TBC1D13: variants seen among roughly 807,000 people sequenced by gnomAD.
TBC1D13 encodes the protein epididymis secretory sperm binding protein.
A neutral mutation model predicts 53.6 loss-of-function variants in TBC1D13; 40 were observed. That is an observed-to-expected ratio of 0.75 (90% CI 0.58 to 0.97). The LOEUF (loss-of-function observed/expected upper bound fraction) is 0.97, where lower values mean the gene tolerates loss of function less well. Ranked by LOEUF, TBC1D13 falls within the 50% of genes least tolerant of loss-of-function variation. The pLI is 0.00. For synonymous variants in TBC1D13, 182 were observed against 197.7 expected, an observed-to-expected ratio of 0.92 and a Z score of 0.67; for missense variants, 377 against 499.4, an observed-to-expected ratio of 0.75 and a Z score of 2.34.
At position 128,806,258 on chromosome 9, in the gene TBC1D13, A is replaced by G; in HGVS notation, c.1084A>G (p.Ile362Val). The G allele has an allele frequency of 6.2e-7, 1 of 1,614,132 alleles. No individual in the cohort carries two copies. Among genetic ancestry groups the G allele is most frequent in the Non-Finnish European group, 8.5e-7 (1 of 1,180,024 alleles). Residue 362 changes from isoleucine to valine, a missense_variant, in exon 11 of 12, where the codon ATC (isoleucine) becomes GTC (valine). Coordinates refer to ENST00000372648, the MANE Select transcript of TBC1D13 (RefSeq NM_018201.5). ...TTTTGCTGCTGCTTTTCATAGGCTGATCCGGGAGCAGTTGCTGGAAGGGGA... is the reference window on the plus strand; with the variant it reads ...TTTTGCTGCTGCTTTTCATAGGCTGGTCCGGGAGCAGTTGCTGGAAGGGGA... ...LLVCCAMLML[I>V]REQLLEGDFT...
chr9:128,792,376 C>T, intron 5 of TBC1D13, 116 bp from the exon 6 acceptor site: 2 of 824,992 alleles, frequency 2.4e-6, no homozygotes, highest in Non-Finnish European at 3.9e-6. Context: ...GTCAGGACCA[C>T]ACCTCAGTGT....
rs1020136352 is a variant in TBC1D13 at position 128,791,970 on chromosome 9, TGAA to T, written c.300+281_300+283del. ...TATTTCAACCCTCATCCCTGTTCCT[TGAA>T]GAAAGTCAGAGCAGGGCGGGAGGGA... On this transcript the variant is annotated intron_variant, in intron 5 of 11. Transcript: ENST00000372648. Among the ~76,000 whole-genome samples, 18 of 152,208 alleles carry T rather than the reference TGAA, an allele frequency of 1.2e-4. No individual in the cohort carries two copies. In the East Asian group the frequency reaches 3.3e-3, roughly 28 times the overall value.
At chr9:128,800,326 A>G (rs1589572650) in intron 7 of TBC1D13, among the ~76,000 whole-genome samples, 1 of 141,444 alleles carries the variant, frequency 7.1e-6, no homozygotes. Context: ...TCATTGTAGG[A>G]GTCTTCAGTA....
chr9:128,807,686 C>T lies in TBC1D13; in HGVS notation c.1138-128C>T, dbSNP rs59164083. The T allele has an allele frequency of 6.5e-3, 5,923 of 914,948 alleles. 212 individuals are homozygous for T. The African/African-American group carries it at 0.083, about 13-fold the overall frequency. 56.7% of individuals were successfully genotyped at this position (914,948 alleles called of 1,614,324 possible). On this transcript the variant is annotated intron_variant, in intron 11 of 11. Coordinates refer to ENST00000372648, the MANE Select transcript of TBC1D13 (RefSeq NM_018201.5). Reference sequence around the variant, plus strand: ...CTGGGGGTTGGGGAGTGTGGGATGCCTGGTGTTCTGTGCTCCTGCCCCTGA... The same window carrying T: ...CTGGGGGTTGGGGAGTGTGGGATGCTTGGTGTTCTGTGCTCCTGCCCCTGA...
Position 128,804,121 on chromosome 9 carries a change from T to A in TBC1D13, c.918+2T>A. 6.2e-7 allele frequency: 1 copy of A among 1,613,586 alleles called. No homozygotes were observed. Among genetic ancestry groups the A allele is most frequent in the Non-Finnish European group, 8.5e-7 (1 of 1,179,880 alleles). On this transcript the variant is annotated splice_donor_variant, in intron 9 of 11. Coordinates refer to ENST00000372648, the MANE Select transcript of TBC1D13 (RefSeq NM_018201.5). LOFTEE classifies it high-confidence loss of function. ...GATGTGGAGCTCTACCTGAAACTGGTGAGGACCCCAGGAACAGACGGGTGG... is the reference window on the plus strand; with the variant it reads ...GATGTGGAGCTCTACCTGAAACTGGAGAGGACCCCAGGAACAGACGGGTGG...
In TBC1D13 at chr9:128,789,044, G is replaced by A. The variant is rs369522310; in HGVS notation, c.97+637G>A. Among the ~76,000 whole-genome samples, 15 of 152,262 alleles carry A rather than the reference G, an allele frequency of 9.9e-5. 1 individual carries two copies. The highest frequency in any genetic ancestry group is 2.0e-4 in the Admixed American group (3 of 15,294). ...ACTTTGCCAGCAAGAACTTCTGGCC[G>A]GGTGCCGTGGCTCATGCCTGTAATC... On this transcript the variant is annotated intron_variant, in intron 2 of 11. Coordinates refer to ENST00000372648, the MANE Select transcript of TBC1D13 (RefSeq NM_018201.5).
intron 7 of TBC1D13, among the ~76,000 whole-genome samples, chr9:128,797,680 G>A (rs1291685145): frequency 6.6e-6 from 1 of 152,198 alleles, no homozygotes; most frequent in Admixed American, 6.5e-5. Context: ...GCATGTGCCT[G>A]TAGTCCCAGC....
At chr9:128,795,175 C>G (rs979129237) in intron 6 of TBC1D13, among the ~76,000 whole-genome samples, 2 of 151,040 alleles carry the variant, frequency 1.3e-5, no homozygotes, top group Non-Finnish European at 3.0e-5. Context: ...CCTGCCCCAC[C>G]TCCTGAGTAG....
At position 128,790,719 on chromosome 9, in the gene TBC1D13, C is replaced by T. The variant is rs779636776; in HGVS notation, c.98-16C>T. ...ACTCTGGCCTGGGGCATGACCTTTG[C>T]CTGCTGTGTCCACAGGCATCCCCTG... On this transcript the variant is annotated splice_polypyrimidine_tract_variant and intron_variant, in intron 2 of 11. Coordinates refer to ENST00000372648, the MANE Select transcript of TBC1D13 (RefSeq NM_018201.5). The T allele has an allele frequency of 1.5e-5, 23 of 1,542,396 alleles. No homozygotes were observed. Among genetic ancestry groups the T allele is most frequent in the Non-Finnish European group, 2.0e-5 (23 of 1,152,238 alleles).
At chr9:128,788,911 T>G (rs1829478549) in intron 2 of TBC1D13, among the ~76,000 whole-genome samples, 1 of 152,246 alleles carries the variant, frequency 6.6e-6, no homozygotes, top group African/African-American at 2.4e-5. Context: ...CTGATCCTGC[T>G]GTGTTAGACT....
intron 7 of TBC1D13, among the ~76,000 whole-genome samples, chr9:128,802,790 A>C (rs1829760349): frequency 6.8e-6 from 1 of 147,522 alleles, no homozygotes; most frequent in African/African-American, 2.5e-5. Flanking sequence ...GTTGGAGTGC[A>C]GTGATGTGAT....
intron 6 of TBC1D13, among the ~76,000 whole-genome samples, chr9:128,794,054 C>A (rs1030073058): frequency 1.3e-5 from 2 of 152,128 alleles, no homozygotes; most frequent in Admixed American, 1.3e-4. Flanking sequence ...AGAGGGAGGC[C>A]CTGTTTTCCT....
chr9:128,804,751 G>A (rs1829801271), intron 9 of TBC1D13, among the ~76,000 whole-genome samples: 3 of 99,160 alleles, frequency 3.0e-5, no homozygotes, highest in African/African-American at 8.5e-5. Context: ...TTTTTGAGAA[G>A]GACTCTCTCT....
In TBC1D13 at chr9:128,805,846, G is replaced by A. The variant is rs200127428; in HGVS notation, c.919-13G>A. ...CAGAGTCATGCCCCCCACCCCCCAC[G>A]CTGTCTCCCCAGCAAGAGCAGAACA... On this transcript the variant is annotated splice_polypyrimidine_tract_variant and intron_variant, in intron 9 of 11. Coordinates refer to ENST00000372648, the MANE Select transcript of TBC1D13 (RefSeq NM_018201.5). The A allele has an allele frequency of 1.9e-4, 302 of 1,606,860 alleles. 3 individuals carry two copies. In the South Asian group the frequency reaches 2.0e-3, roughly 11 times the overall value.
At chr9:128,799,548 T>C (rs1488153878) in intron 7 of TBC1D13, among the ~76,000 whole-genome samples, 1 of 152,198 alleles carries the variant, frequency 6.6e-6, no homozygotes, top group Admixed American at 6.5e-5. Flanking sequence ...ACCTTAGGTT[T>C]GGGAGTCAGC....
chr9:128,805,986 A>C lies in TBC1D13; in HGVS notation c.1046A>C (p.Asp349Ala), dbSNP rs1054837909. 2 of 1,613,954 alleles carry C rather than the reference A, an allele frequency of 1.2e-6. No homozygotes were observed. Among genetic ancestry groups the C allele is most frequent in the African/African-American group, 2.7e-5 (2 of 74,882 alleles). Reference protein sequence around the residue: ...DSLFADDNRFDFLLLVCCAML... With the variant: ...DSLFADDNRFAFLLLVCCAML... ...CTCTTCGCCGATGACAACCGCTTTG[A>C]CTTCCTCCTCCTCGTCTGCTGCGCC... Residue 349 changes from aspartate (D) to alanine (A), a missense_variant, in exon 10 of 12, where the codon GAC (aspartate) becomes GCC (alanine). By Grantham distance (126) the Asp-to-Ala change is moderately radical (BLOSUM62 -2). Transcript: ENST00000372648.
At chr9:128,794,972 A>T (rs1829601784) in intron 6 of TBC1D13, among the ~76,000 whole-genome samples, 1 of 151,604 alleles carries the variant, frequency 6.6e-6, no homozygotes. Flanking sequence ...CAGCTGTATA[A>T]TATTCTGTTG....
intron 1 of TBC1D13, among the ~76,000 whole-genome samples, chr9:128,788,058 T>G (rs1328866151): frequency 1.3e-5 from 2 of 152,332 alleles, no homozygotes; most frequent in East Asian, 3.9e-4. Flanking sequence ...TATGTCTAAT[T>G]TTATGGTCCT....
intron 2 of TBC1D13, among the ~76,000 whole-genome samples, chr9:128,789,287 G>T (rs1829484975): frequency 7.4e-6 from 1 of 135,674 alleles, no homozygotes; most frequent in Non-Finnish European, 1.5e-5. Context: ...TTGCACTCCA[G>T]CCTGGGCGAC....
Sources: gnomAD v4.1 joint callset for allele counts (sites outside exome capture counted in the v4.1 genomes callset) on GRCh38, gnomAD v4.1.1 for gene constraint, MANE v1.5 for transcripts, NCBI Gene and HGNC (gene_info 2026-07-23, HGNC 2026-07-21) for gene names.